APH1A: variants seen among roughly 807,000 people sequenced by gnomAD.
APH1A encodes aph-1A gamma-secretase subunit.
In APH1A, 16 loss-of-function variants were observed where a neutral mutation model predicts 30.3. That is an observed-to-expected ratio of 0.53 (90% CI 0.36 to 0.80). The LOEUF is 0.80. Ranked by LOEUF, APH1A falls within the 30% of genes least tolerant of loss-of-function variation. The pLI is 0.01. For synonymous variants in APH1A, 144 were observed against 140.1 expected (o/e 1.03, Z -0.20); for missense variants, 245 against 337.8 (o/e 0.73, Z 2.15).
At position 150,267,959 on chromosome 1, in the gene APH1A, A is replaced by G; in HGVS notation, c.282T>C (p.Leu94=). 1 of 1,614,126 alleles carries G rather than the reference A, an allele frequency of 6.2e-7. No homozygotes were observed. Among genetic ancestry groups the G allele is most frequent in the South Asian group, 1.1e-5 (1 of 91,086 alleles). Residue 94 remains leucine (L), a splice_region_variant and synonymous_variant, in exon 2 of 7, where the codon CTT becomes CTC. Coordinates refer to ENST00000369109, the MANE Select transcript of APH1A (RefSeq NM_001077628.3). ...TCCAGACCACTCCATCTTCTTACTTAAGCAGCTTGTAGTAGGCAAAGCGGA... is the reference window on the plus strand; with the variant it reads ...TCCAGACCACTCCATCTTCTTACTTGAGCAGCTTGTAGTAGGCAAAGCGGA... ...EVFRFAYYKL[L]KKADEGLASL...
At chr1:150,267,863 T>C in intron 2 of APH1A, 74 bp from the exon 3 acceptor site, 1 of 1,612,620 alleles carries the variant, frequency 6.2e-7, no homozygotes. Flanking sequence ...CCTCCCTTAG[T>C]GCCTCCTCTT....
intron 4 of APH1A, 34 bp downstream of exon 4, chr1:150,267,322 G>T (rs140561586): frequency 1.9e-6 from 3 of 1,613,644 alleles, no homozygotes; most frequent in East Asian, 2.2e-5. Context: ...AAGGATGGAT[G>T]GGGGGTAAAG....
At chr1:150,267,593 CT>C in intron 3 of APH1A, 115 bp from the exon 4 acceptor site, 1 of 1,581,032 alleles carries the variant, frequency 6.3e-7, no homozygotes, top group Non-Finnish European at 8.6e-7. Flanking sequence ...TCCAGACCAA[CT>C]TTCTTTGGAA....
Position 150,267,471 on chromosome 1 carries a change from A to G in APH1A, c.366T>C (p.Gly122=). ...CACCACTGATGATACCGAAGGAGAGACCAGAAACTGGGGGAAGGGAGGATC... is the reference window on the plus strand; with the variant it reads ...CACCACTGATGATACCGAAGGAGAGGCCAGAAACTGGGGGAAGGGAGGATC... ...ISIRQMAYVS[G]LSFGIISGVF... Residue 122 remains glycine (G), a synonymous_variant, in exon 4 of 7, where the codon GGT becomes GGC. Transcript: ENST00000369109. The G allele has an allele frequency of 6.2e-7, 1 of 1,614,062 alleles. No homozygotes were observed. Among genetic ancestry groups the G allele is most frequent in the Non-Finnish European group, 8.5e-7 (1 of 1,180,002 alleles).
chr1:150,268,640 G>GCCC, intron 1 of APH1A, 58 bp downstream of exon 1: 1 of 1,523,612 alleles, frequency 6.6e-7, no homozygotes, highest in South Asian at 1.2e-5. Context: ...AGTTCCTCCA[G>GCCC]CCCCTTCCGC....
chr1:150,266,138 C>G lies in APH1A; in HGVS notation c.790G>C (p.Glu264Gln). Residue 264 changes from glutamate to glutamine, a missense_variant, in exon 7 of 7, where the codon GAG becomes CAG. Coordinates refer to ENST00000369109, the MANE Select transcript of APH1A (RefSeq NM_001077628.3). ...GTCCCCCCTAGGTTCCCTCAGTCCT[C>G]GGGTGGGATGCGCAGGGCAGAATAC... Reference protein sequence around the residue: ...MVYSALRIPPED With the variant: ...MVYSALRIPPQD 1 of 1,598,458 alleles carries G rather than the reference C, an allele frequency of 6.3e-7. No individual in the cohort carries two copies. Among genetic ancestry groups the G allele is most frequent in the Non-Finnish European group, 8.5e-7 (1 of 1,172,420 alleles).
intron 1 of APH1A, 166 bp from the exon 2 acceptor site, chr1:150,268,293 G>A (rs587693950): frequency 2.6e-6 from 2 of 764,506 alleles, no homozygotes; most frequent in East Asian, 2.7e-5. Flanking sequence ...CTCATCTGTA[G>A]AAAAGTGAAC....
chr1:150,265,477 A>C lies in APH1A; in HGVS notation c.*653T>G, dbSNP rs1228032853. 6.6e-6 allele frequency: 1 copy of C among 152,388 alleles called. No homozygotes were observed. The highest frequency in any genetic ancestry group is 6.5e-5 in the Admixed American group (1 of 15,276). The allele number at this position is 152,388 out of a possible 1,614,324, so 9.4% of individuals were successfully genotyped here. On this transcript the variant is annotated 3_prime_UTR_variant, in exon 7 of 7. Coordinates refer to ENST00000369109, the MANE Select transcript of APH1A (RefSeq NM_001077628.3). Reference sequence around the variant, plus strand: ...GGATGGGACACTCCACCCTCAGCAGAAAATGATACAGTTTATAGAAAACCT... The same window carrying C: ...GGATGGGACACTCCACCCTCAGCAGCAAATGATACAGTTTATAGAAAACCT...
rs1447745533 is a variant in APH1A, at chr1:150,268,734, G to A, written c.77C>T (p.Ala26Val). 1.2e-6 allele frequency: 2 copies of A among 1,613,660 alleles called. No individual in the cohort carries two copies. The highest frequency in any genetic ancestry group is 2.7e-5 in the African/African-American group (2 of 74,928). Residue 26 changes from alanine (A) to valine (V), a missense_variant, in exon 1 of 7, where the codon GCT becomes GTT. Coordinates refer to ENST00000369109, the MANE Select transcript of APH1A (RefSeq NM_001077628.3). ...PAFALFLITVAGDPLRVIILV... is the reference protein window; with the variant it reads ...PAFALFLITVVGDPLRVIILV... ...GATGATAACGCGAAGCGGGTCCCCA[G>A]CCACAGTGATCAAGAAAAGCGCGAA...
At chr1:150,266,874 T>G in intron 5 of APH1A, 1 of 1,061,100 alleles carries the variant, frequency 9.4e-7, no homozygotes, top group Non-Finnish European at 1.3e-6. Context: ...CCCTCTGCAT[T>G]ACAGTTTGAC....
chr1:150,266,877 A>C (rs1651769503), intron 5 of APH1A, 198 bp downstream of exon 5: 3 of 1,064,250 alleles, frequency 2.8e-6, no homozygotes, highest in African/African-American at 3.2e-5. Flanking sequence ...TCTGCATTAC[A>C]GTTTGACTAA....
Position 150,269,015 on chromosome 1 carries a change from A to AG in APH1A, c.-206dup, listed in dbSNP as rs1236669887. The AG allele has an allele frequency of 3.0e-5, 16 of 528,092 alleles. No homozygotes were observed. Among genetic ancestry groups the AG allele is most frequent in the Non-Finnish European group, 5.5e-5 (16 of 290,106 alleles). 32.7% of individuals were successfully genotyped at this position (528,092 alleles called of 1,614,324 possible). On this transcript the variant is annotated 5_prime_UTR_variant, in exon 1 of 7. Coordinates refer to ENST00000369109, the MANE Select transcript of APH1A (RefSeq NM_001077628.3). ...GCCACTTCCTCTACGGAAGCCGAAG[A>AG]GGGGACAAATCCCGGCCGCAGCCCC... is the stretch of plus-strand genomic sequence containing the variant.
Position 150,268,065 on chromosome 1 carries a change from A to G in APH1A, c.176T>C (p.Val59Ala), listed in dbSNP as rs1553850329. 1.2e-6 allele frequency: 2 copies of G among 1,614,202 alleles called. No homozygotes were observed. The highest frequency in any genetic ancestry group is 1.7e-6 in the Non-Finnish European group (2 of 1,180,046). ...GAGCCGGGCATCTGACCGGTCGGTC[A>G]CATGGACCAAGATGAACCAGACCAC... ...ASVVWFILVH[V>A]TDRSDARLQY... Residue 59 changes from valine to alanine, a missense_variant, in exon 2 of 7, where the codon GTG becomes GCG. Coordinates refer to ENST00000369109, the MANE Select transcript of APH1A (RefSeq NM_001077628.3).
chr1:150,268,891 G>A lies in APH1A; in HGVS notation c.-81C>T. On this transcript the variant is annotated 5_prime_UTR_variant, in exon 1 of 7. Transcript: ENST00000369109. ...GGCGCGCCAGCTGGGGAGTCCGCGT[G>A]GGGTGGCAACGCGACCCCACGAGGG... 1 of 1,319,136 alleles carries A rather than the reference G, an allele frequency of 7.6e-7. No individual in the cohort carries two copies. The allele number at this position is 1,319,136 out of a possible 1,614,324, so 81.7% of individuals were successfully genotyped here.
rs1321189724 is a variant in APH1A at position 150,265,977 on chromosome 1, A to G, written c.*153T>C. 2.2e-6 allele frequency: 2 copies of G among 910,294 alleles called. No individual in the cohort carries two copies. Among genetic ancestry groups the G allele is most frequent in the African/African-American group, 3.4e-5 (2 of 59,354 alleles). The allele number at this position is 910,294 out of a possible 1,614,324, so 56.4% of individuals were successfully genotyped here. A position where few individuals can be genotyped will look rare whatever the true frequency, so the allele number is the denominator to read the frequency against. ...GTACTGAGAAACTCAGAGCTCATCT[A>G]TCCTTGAGCCTCCATTAATTTCATC... On this transcript the variant is annotated 3_prime_UTR_variant, in exon 7 of 7. Coordinates refer to ENST00000369109, the MANE Select transcript of APH1A (RefSeq NM_001077628.3).
At chr1:150,267,829 G>A in intron 2 of APH1A, 40 bp from the exon 3 acceptor site, 1 of 1,612,792 alleles carries the variant, frequency 6.2e-7, no homozygotes, top group Non-Finnish European at 8.5e-7. Context: ...AGGGAGGGCA[G>A]GGATGCTCCT....
chr1:150,268,957 G>T lies in APH1A; in HGVS notation c.-147C>A. On this transcript the variant is annotated 5_prime_UTR_variant, in exon 1 of 7. Coordinates refer to ENST00000369109, the MANE Select transcript of APH1A (RefSeq NM_001077628.3). ...ACCCCCAGACCCCGGGGAAGGGGAA[G>T]GGGGGGAACCGAAACCCCAAATGAA... is the stretch of plus-strand genomic sequence containing the variant. 4.5e-5 allele frequency: 29 copies of T among 643,984 alleles called. No homozygotes were observed. The highest frequency in any genetic ancestry group is 1.9e-5 in the South Asian group (1 of 51,464). The allele number at this position is 643,984 out of a possible 1,614,324, so 39.9% of individuals were successfully genotyped here.
At chr1:150,268,251 G>A (rs1385151958) in intron 1 of APH1A, 124 bp from the exon 2 acceptor site, 15 of 1,112,720 alleles carry the variant, frequency 1.3e-5, no homozygotes, top group Non-Finnish European at 1.8e-5. Flanking sequence ...GGGAGACATG[G>A]ACCAGGTAGG....
chr1:150,267,360 A>G lies in APH1A; in HGVS notation c.477T>C (p.Thr159=), dbSNP rs1553850139. 6.2e-7 allele frequency: 1 copy of G among 1,614,018 alleles called. No individual in the cohort carries two copies. The highest frequency in any genetic ancestry group is 1.7e-5 in the Admixed American group (1 of 59,994). ...IHGDSPYYFL[T]SAFLTAAIIL... The stretch of plus-strand genomic sequence containing the variant: ...TAGATAGAAGGTGGATCTTACCTGA[A>G]GTCAGGAAGTAATAGGGTGAGTCTC... Residue 159 remains threonine, a synonymous_variant, in exon 4 of 7, where the codon ACT becomes ACC. Coordinates refer to ENST00000369109, the MANE Select transcript of APH1A (RefSeq NM_001077628.3).
Sources: allele counts gnomAD v4.1 joint callset, GRCh38; gene constraint gnomAD v4.1.1; transcripts MANE v1.5; gene names NCBI Gene and HGNC (gene_info 2026-07-23, HGNC 2026-07-21).